MAP3K7: variants seen among roughly 807,000 people sequenced by gnomAD.
MAP3K7 encodes TGF-beta activated kinase 1.
Under a neutral mutation model 84.8 loss-of-function variants are expected in MAP3K7, and 21 were observed. The observed-to-expected ratio is 0.25, with a 90% CI of 0.18 to 0.36. The LOEUF (loss-of-function observed/expected upper bound fraction) is 0.36. MAP3K7 is among the 10% of genes least tolerant of loss of function. The pLI is 1.00. For synonymous variants in MAP3K7, 241 were observed against 247.7 expected, an observed-to-expected ratio of 0.97 and a Z score of 0.25; for missense variants, 503 against 747.7, an observed-to-expected ratio of 0.67 and a Z score of 3.82.
At position 90,552,033 on chromosome 6, in the gene MAP3K7, A is replaced by G. The variant is rs766798325; in HGVS notation, c.867+16T>C. On this transcript the variant is annotated intron_variant, in intron 8 of 16. Coordinates refer to ENST00000369329, the MANE Select transcript of MAP3K7 (RefSeq NM_145331.3). ...AATTCCCCTAAATCCAAAGCCCCTC[A>G]AAAGAAGGATTATACCCGCATCAAG... 3.8e-6 allele frequency: 6 copies of G among 1,588,600 alleles called. No individual in the cohort carries two copies. In the African/African-American group the frequency reaches 8.0e-5, roughly 21 times the overall value.
chr6:90,534,918 A>C (rs1237469367), intron 13 of MAP3K7, among the ~76,000 whole-genome samples: 1 of 152,146 alleles, frequency 6.6e-6, no homozygotes, highest in Non-Finnish European at 1.5e-5. Flanking sequence ...ATGTCAAACT[A>C]TCTGTTACTA....
chr6:90,543,131 C>T (rs1775904731), intron 12 of MAP3K7, among the ~76,000 whole-genome samples: 1 of 152,010 alleles, frequency 6.6e-6, no homozygotes, highest in Admixed American at 6.6e-5. Context: ...AAAGTACGTC[C>T]CTTATACACA....
At chr6:90,518,905 T>C (rs1232068716) in intron 15 of MAP3K7, among the ~76,000 whole-genome samples, 1 of 151,762 alleles carries the variant, frequency 6.6e-6, no homozygotes, top group Admixed American at 6.6e-5. Context: ...ATTTACATTT[T>C]CAGTCACTAT....
intron 13 of MAP3K7, among the ~76,000 whole-genome samples, chr6:90,533,613 G>A (rs1197368540): frequency 6.6e-6 from 1 of 152,220 alleles, no homozygotes; most frequent in African/African-American, 2.4e-5. Context: ...TAGGTATTTT[G>A]TGGGTGGCAC....
At chr6:90,538,490 T>G (rs1171930909) in intron 12 of MAP3K7, among the ~76,000 whole-genome samples, 1 of 151,946 alleles carries the variant, frequency 6.6e-6, no homozygotes, top group Non-Finnish European at 1.5e-5. Context: ...AACAGATGCC[T>G]GATCAAGGAA....
Position 90,516,530 on chromosome 6 carries a change from G to T in MAP3K7, c.1792C>A (p.Gln598Lys). 6.2e-7 allele frequency: 1 copy of T among 1,612,198 alleles called. No individual in the cohort carries two copies. The highest frequency in any genetic ancestry group is 8.5e-7 in the Non-Finnish European group (1 of 1,178,954). Reference protein sequence around the residue: ...CKKQLEVIRSQQQKRQGTS With the variant: ...CKKQLEVIRSKQQKRQGTS ...GAAGTGCCTTGTCGTTTCTGCTGCT[G>T]ACTTCTGATGACCTCTAGTTGTTTT... Residue 598 changes from glutamine to lysine, a missense_variant, in exon 17 of 17, where the codon CAG becomes AAG. Around this residue, in one of 5 missense-constraint regions of MAP3K7, gnomAD observed 43 missense variants for 47.3 expected, o/e 0.91. Coordinates refer to ENST00000369329, the MANE Select transcript of MAP3K7 (RefSeq NM_145331.3).
intron 16 of MAP3K7, among the ~76,000 whole-genome samples, chr6:90,517,857 C>T (rs945614562): frequency 6.6e-6 from 1 of 151,660 alleles, no homozygotes; most frequent in Non-Finnish European, 1.5e-5. Flanking sequence ...TTCCTTATCA[C>T]TTCATTTTAG....
intron 11 of MAP3K7, 150 bp downstream of exon 11, chr6:90,547,108 T>C: frequency 2.7e-6 from 2 of 740,236 alleles, no homozygotes; most frequent in Non-Finnish European, 4.2e-6. Flanking sequence ...CATAAACTAT[T>C]GCTAGTAACT....
chr6:90,546,152 CTGTTA>C (rs1313365091), intron 11 of MAP3K7, among the ~76,000 whole-genome samples: 1 of 152,094 alleles, frequency 6.6e-6, no homozygotes, highest in Non-Finnish European at 1.5e-5. Flanking sequence ...TTCGGATATT[CTGTTA>C]TATCTAATGG....
chr6:90,542,731 T>C (rs796933339), intron 12 of MAP3K7, among the ~76,000 whole-genome samples: 21 of 152,134 alleles, frequency 1.4e-4, no homozygotes, highest in African/African-American at 5.1e-4. Flanking sequence ...TAAGATTGTA[T>C]AAAGGTAAAA....
rs3215663 is a variant in MAP3K7 at position 90,556,630 on chromosome 6, TAA to T, written c.483-8_483-7del. 1 of 1,515,208 alleles carries T rather than the reference TAA, an allele frequency of 6.6e-7. No individual in the cohort carries two copies. Among genetic ancestry groups the T allele is most frequent in the African/African-American group, 1.4e-5 (1 of 69,658 alleles). The allele number at this position is 1,515,208 out of a possible 1,614,324, so 93.9% of individuals were successfully genotyped here. On this transcript the variant is annotated splice_region_variant and splice_polypyrimidine_tract_variant and intron_variant, in intron 5 of 16. Coordinates refer to ENST00000369329, the MANE Select transcript of MAP3K7 (RefSeq NM_145331.3). Reference sequence around the variant, plus strand: ...CCCCTGCAACCAGCAGTAAGCTGTTTAAAAAAAAACAAAAAACATCAAAAGTT... The same window carrying T: ...CCCCTGCAACCAGCAGTAAGCTGTTTAAAAAAACAAAAAACATCAAAAGTT...
At chr6:90,577,104 T>C (rs1777108505) in intron 1 of MAP3K7, among the ~76,000 whole-genome samples, 1 of 152,056 alleles carries the variant, frequency 6.6e-6, no homozygotes, top group Non-Finnish European at 1.5e-5. Flanking sequence ...CAAGCAACAA[T>C]AGCTACGAGG....
intron 1 of MAP3K7, among the ~76,000 whole-genome samples, chr6:90,578,314 C>G (rs1777152725): frequency 6.6e-6 from 1 of 152,014 alleles, no homozygotes; most frequent in African/African-American, 2.4e-5. Context: ...ACTCTGTTGC[C>G]CATGCTGGAG....
At chr6:90,550,400 A>C (rs1248919976) in intron 9 of MAP3K7, 68 bp downstream of exon 9, 2 of 1,022,000 alleles carry the variant, frequency 2.0e-6, no homozygotes, top group Non-Finnish European at 3.0e-6. Flanking sequence ...TTACTTCTTG[A>C]TTATAATTTC....
Position 90,586,827 on chromosome 6 carries a change from G to A in MAP3K7, c.57C>T (p.Ile19=). ...AGTTGAGGACCTGGGAAGGGGCTTC[G>A]ATCATCTCACCGGCCGAAGACGAGG... The part of the protein sequence containing the change: ...SSSSSSAGEM[I]EAPSQVLNFE... The change falls in exon 1 of 17, where the codon ATC becomes ATT. Residue 19 remains isoleucine, a synonymous_variant. Coordinates refer to ENST00000369329, the MANE Select transcript of MAP3K7 (RefSeq NM_145331.3). 1 of 1,610,984 alleles carries A rather than the reference G, an allele frequency of 6.2e-7. No individual in the cohort carries two copies. The highest frequency in any genetic ancestry group is 8.5e-7 in the Non-Finnish European group (1 of 1,178,584).
At position 90,514,955 on chromosome 6, in the gene MAP3K7, A is replaced by G. The variant is rs952966927; in HGVS notation, c.*1546T>C. On this transcript the variant is annotated 3_prime_UTR_variant, in exon 17 of 17. Transcript: ENST00000369329. ...TTGAAGAAGCTAAAAATAACAGTTTAGTATTCACCTGTATTGCTTGTATAC... is the reference window on the plus strand; with the variant it reads ...TTGAAGAAGCTAAAAATAACAGTTTGGTATTCACCTGTATTGCTTGTATAC... 12 of 152,044 alleles carry G rather than the reference A, an allele frequency of 7.9e-5. No homozygotes were observed. The highest frequency in any genetic ancestry group is 2.9e-4 in the African/African-American group (12 of 41,444). The allele number at this position is 152,044 out of a possible 1,614,324, so 9.4% of individuals were successfully genotyped here. A position where few individuals can be genotyped will look rare whatever the true frequency, so the allele number is the denominator to read the frequency against.
chr6:90,538,523 CTGAG>C (rs1775749753), intron 12 of MAP3K7, among the ~76,000 whole-genome samples: 1 of 151,834 alleles, frequency 6.6e-6, no homozygotes, highest in Non-Finnish European at 1.5e-5. Flanking sequence ...ATATGCTATC[CTGAG>C]TATTTCATTC....
intron 12 of MAP3K7, among the ~76,000 whole-genome samples, chr6:90,539,858 A>G (rs906685689): frequency 6.6e-6 from 1 of 151,756 alleles, no homozygotes; most frequent in African/African-American, 2.4e-5. Context: ...CTACTCATCT[A>G]TTTTTCAGTT....
At chr6:90,547,874 AATAAATGGTAGG>A (rs1400615601) in intron 10 of MAP3K7, among the ~76,000 whole-genome samples, 161 bp downstream of exon 10, 1 of 152,214 alleles carries the variant, frequency 6.6e-6, no homozygotes, top group Non-Finnish European at 1.5e-5. Context: ...ACCATTTGGT[AATAAATGGTAGG>A]AGAATCTCAT....
Sources: allele counts gnomAD v4.1 joint callset (sites outside exome capture counted in the v4.1 genomes callset), GRCh38; gene constraint gnomAD v4.1.1; regional missense constraint gnomAD v4.1.1; transcripts MANE v1.5; gene names NCBI Gene and HGNC (gene_info 2026-07-23, HGNC 2026-07-21).